Variants in GABRB1 observed in about 807,000 individuals in gnomAD.
The protein encoded by GABRB1 is gamma-aminobutyric acid type A receptor subunit beta1, also known as gamma-aminobutyric acid receptor subunit beta-1.
A neutral mutation model predicts 51.6 loss-of-function variants in GABRB1; 17 were observed. The ratio of observed to expected loss-of-function variants is 0.33; its 90% CI spans 0.23 to 0.49. GABRB1 has a LOEUF of 0.49. Among genes scored for constraint, GABRB1 ranks in the 20% least tolerant of loss-of-function variants. The pLI is 0.99. For missense variants in GABRB1, 410 were observed against 600.6 expected (o/e 0.68, Z 3.32); for synonymous variants, 247 against 218.9 (o/e 1.13, Z -1.14).
chr4:47,237,058 T>G (rs868814898), intron 4 of GABRB1, among the ~76,000 whole-genome samples: 1 of 152,008 alleles, frequency 6.6e-6, no homozygotes, highest in Non-Finnish European at 1.5e-5. Context: ...AAATTATAAT[T>G]TCAACAATAA....
chr4:47,284,316 A>G lies in GABRB1; in HGVS notation c.462-35811A>G, dbSNP rs148239137. On this transcript the variant is annotated intron_variant, in intron 4 of 8. Transcript: ENST00000295454. ...AAGACAAGCATGTAAAGATGGCCCT[A>G]TTGCCCATCATGAGAGAAACATTGA... Among the ~76,000 whole-genome samples the G allele has an allele frequency of 8.2e-3, 1,251 of 152,202 alleles. 53 individuals are homozygous for G. The highest frequency in any genetic ancestry group is 0.067 in the Admixed American group (1,019 of 15,290).
At chr4:47,312,462 C>T (rs1578086178) in intron 4 of GABRB1, among the ~76,000 whole-genome samples, 2 of 152,246 alleles carry the variant, frequency 1.3e-5, no homozygotes, top group African/African-American at 4.8e-5. Context: ...TAGACTAACC[C>T]ATCCATCTTC....
At chr4:47,402,791 A>G (rs1029758181) in intron 5 of GABRB1, among the ~76,000 whole-genome samples, 1 of 152,242 alleles carries the variant, frequency 6.6e-6, no homozygotes, top group Non-Finnish European at 1.5e-5. Context: ...ATCAAAGGAT[A>G]TTAATAAAAG....
At chr4:47,391,997 A>G (rs1728015195) in intron 5 of GABRB1, among the ~76,000 whole-genome samples, 1 of 152,134 alleles carries the variant, frequency 6.6e-6, no homozygotes, top group Non-Finnish European at 1.5e-5. Context: ...CGTAACTGAC[A>G]GGATCCTATC....
At chr4:47,032,573 C>A in intron 3 of GABRB1, 89 bp downstream of exon 3, 2 of 1,276,466 alleles carry the variant, frequency 1.6e-6, no homozygotes, top group South Asian at 1.2e-5. Context: ...CATTGGCGGT[C>A]ACCTCGCCCC....
chr4:47,145,423 A>G (rs561791801), intron 3 of GABRB1, among the ~76,000 whole-genome samples: 1 of 151,848 alleles, frequency 6.6e-6, no homozygotes, highest in South Asian at 2.1e-4. Context: ...ACTTTCAACT[A>G]CTCTTTTGAA....
chr4:47,155,718 T>C (rs898628224), intron 3 of GABRB1, among the ~76,000 whole-genome samples: 1 of 151,778 alleles, frequency 6.6e-6, no homozygotes, highest in African/African-American at 2.4e-5. Context: ...AAATGCTAGA[T>C]AATTAATGGA....
At position 47,377,745 on chromosome 4, in the gene GABRB1, A is replaced by G. The variant is rs543276757; in HGVS notation, c.545-25573A>G. On this transcript the variant is annotated intron_variant, in intron 5 of 8. Coordinates refer to ENST00000295454, the MANE Select transcript of GABRB1 (RefSeq NM_000812.4). ...ACACAAAGTTCTCCAAGTCCCCACC[A>G]GATTAGCTAGATACAGAGTGTCTAC... Among the ~76,000 whole-genome samples the G allele has an allele frequency of 2.8e-4, 42 of 152,032 alleles. No homozygotes were observed. In the South Asian group the frequency reaches 8.6e-3, roughly 31 times the overall value.
intron 4 of GABRB1, among the ~76,000 whole-genome samples, chr4:47,235,504 C>T (rs1292811864): frequency 3.3e-5 from 5 of 151,510 alleles, no homozygotes; most frequent in Non-Finnish European, 5.9e-5. Flanking sequence ...AGCCGAGATC[C>T]TGCCATTGCA....
At position 47,311,886 on chromosome 4, in the gene GABRB1, C is replaced by T. The variant is rs117011980; in HGVS notation, c.462-8241C>T. 5.9e-5 allele frequency among the ~76,000 whole-genome samples: 9 copies of T among 152,214 alleles called. No homozygotes were observed. The South Asian group carries it at 6.2e-4, about 11-fold the overall frequency. On this transcript the variant is annotated intron_variant, in intron 4 of 8. Coordinates refer to ENST00000295454, the MANE Select transcript of GABRB1 (RefSeq NM_000812.4). ...ATTTGTGGGAGTCCAATGCCCTCCC[C>T]GAGATTGCTGAGGCTTTCCAAAGGG...
At chr4:47,292,273 T>A (rs1723775548) in intron 4 of GABRB1, among the ~76,000 whole-genome samples, 1 of 152,190 alleles carries the variant, frequency 6.6e-6, no homozygotes, top group South Asian at 2.1e-4. Flanking sequence ...TTGTGAGGCA[T>A]CCCCAGCATG....
chr4:47,217,098 C>A (rs1403052535), intron 4 of GABRB1, among the ~76,000 whole-genome samples: 1 of 151,790 alleles, frequency 6.6e-6, no homozygotes, highest in Admixed American at 6.6e-5. Flanking sequence ...AGACATAGTA[C>A]AATTCATATA....
chr4:47,283,353 C>G (rs1367312451), intron 4 of GABRB1, among the ~76,000 whole-genome samples: 1 of 122,692 alleles, frequency 8.2e-6, no homozygotes, highest in Non-Finnish European at 1.7e-5. Flanking sequence ...TACCTGGTGG[C>G]CCCTTTTTTT....
At chr4:47,144,950 C>A (rs1432302213) in intron 3 of GABRB1, among the ~76,000 whole-genome samples, 1 of 151,748 alleles carries the variant, frequency 6.6e-6, no homozygotes, top group Non-Finnish European at 1.5e-5. Context: ...AACAAAGTAA[C>A]AAACTGTAAA....
intron 1 of GABRB1, among the ~76,000 whole-genome samples, chr4:47,014,939 C>T (rs1435313080): frequency 3.3e-5 from 5 of 152,030 alleles, no homozygotes; most frequent in Admixed American, 2.0e-4. Flanking sequence ...CGGAGTCTCG[C>T]CCTGCCTTGC....
At chr4:47,361,657 G>A (rs1726810968) in intron 5 of GABRB1, among the ~76,000 whole-genome samples, 1 of 152,122 alleles carries the variant, frequency 6.6e-6, no homozygotes, top group Admixed American at 6.6e-5. Flanking sequence ...TATGGCAGTG[G>A]TGATGGAAAA....
intron 4 of GABRB1, among the ~76,000 whole-genome samples, chr4:47,228,401 C>G (rs564990776): frequency 6.6e-6 from 1 of 151,702 alleles, no homozygotes; most frequent in South Asian, 2.1e-4. Context: ...CCAAGTGTGT[C>G]AAATATGCTA....
At chr4:47,307,599 T>G (rs1024506602) in intron 4 of GABRB1, among the ~76,000 whole-genome samples, 1 of 152,050 alleles carries the variant, frequency 6.6e-6, no homozygotes, top group Non-Finnish European at 1.5e-5. Context: ...ACCATAAAAA[T>G]ATATGTCAAC....
intron 8 of GABRB1, among the ~76,000 whole-genome samples, chr4:47,422,458 TTCAGC>T (rs1729119626): frequency 1.3e-5 from 2 of 152,212 alleles, no homozygotes; most frequent in Non-Finnish European, 2.9e-5. Flanking sequence ...CAGGTTCTGC[TTCAGC>T]TCTTATTCTA....
Sources: allele counts gnomAD v4.1 joint callset (sites outside exome capture counted in the v4.1 genomes callset), GRCh38; gene constraint gnomAD v4.1.1; transcripts MANE v1.5; gene names NCBI Gene and HGNC (gene_info 2026-07-23, HGNC 2026-07-21).